FOXP2: variants seen among roughly 807,000 people sequenced by gnomAD.
FOXP2 encodes forkhead box protein P2.
In FOXP2, 12 loss-of-function variants were observed where a neutral mutation model predicts 115.8. The observed-to-expected ratio is 0.10, with a 90% CI of 0.07 to 0.17. The LOEUF (loss-of-function observed/expected upper bound fraction) is 0.17. Ranked by LOEUF, FOXP2 falls within the 10% of genes least tolerant of loss-of-function variation. The probability of loss-of-function intolerance (pLI) is 1.00; values close to 1 mark genes in which losing one functional copy is unlikely to be tolerated. For synonymous variants in FOXP2, 328 were observed against 297.7 expected (o/e 1.10, Z -1.05); for missense variants, 629 against 843.5 (o/e 0.75, Z 3.15).
At chr7:114,159,298 G>T (rs770927439), upstream of FOXP2, among the ~76,000 whole-genome samples, 69 of 151,998 alleles carry the variant, frequency 4.5e-4, no homozygotes, top group Non-Finnish European at 8.8e-4. Context: ...AGCAAACTAA[G>T]AATTAAGAAG....
intron 2 of FOXP2, among the ~76,000 whole-genome samples, chr7:114,523,673 C>T (rs1798729711): frequency 6.6e-6 from 1 of 152,126 alleles, no homozygotes; most frequent in Non-Finnish European, 1.5e-5. Flanking sequence ...GCTTTTCTTC[C>T]TCTGCTTTTC....
chr7:114,133,123 A>C (rs1371444881), intron 1 of FOXP2, among the ~76,000 whole-genome samples: 1 of 152,218 alleles, frequency 6.6e-6, no homozygotes, highest in East Asian at 1.9e-4. Flanking sequence ...TTGTGTGTAC[A>C]TTTTGAAGCT....
chr7:114,102,345 A>G (rs1374725675), intron 1 of FOXP2, among the ~76,000 whole-genome samples: 1 of 152,030 alleles, frequency 6.6e-6, no homozygotes, highest in Non-Finnish European at 1.5e-5. Flanking sequence ...GCCATCATAT[A>G]TGACAGGAGT....
At chr7:114,380,266 C>T (rs968843200) in intron 2 of FOXP2, among the ~76,000 whole-genome samples, 53 of 152,148 alleles carry the variant, frequency 3.5e-4, no homozygotes, top group African/African-American at 1.1e-3. Context: ...CACATTGCTG[C>T]GTGGGCATGG....
chr7:114,491,120 C>T (rs927271103), intron 2 of FOXP2, among the ~76,000 whole-genome samples: 5 of 152,182 alleles, frequency 3.3e-5, no homozygotes, highest in African/African-American at 1.2e-4. Context: ...ACAGACCCAC[C>T]AACAGTGTAA....
At chr7:114,562,686 C>T (rs112015392) in intron 3 of FOXP2, among the ~76,000 whole-genome samples, 386 of 152,232 alleles carry the variant, frequency 2.5e-3, no homozygotes, top group Middle Eastern at 6.8e-3. Context: ...TGTGCCTTCC[C>T]TTCCCACCTT....
Position 114,432,649 on chromosome 7 carries a change from C to T in FOXP2, c.168+5970C>T, listed in dbSNP as rs560665666. ...AATGGGAAAATGTGGCATCTATTTA[C>T]ATTTATCAAGTTTAACTATTAGGTC... On this transcript the variant is annotated intron_variant, in intron 2 of 16. Transcript: ENST00000350908. Among the ~76,000 whole-genome samples, 13 of 151,954 alleles carry T rather than the reference C, an allele frequency of 8.6e-5. No homozygotes were observed. The South Asian group carries it at 2.7e-3, about 32-fold the overall frequency.
Position 114,590,455 on chromosome 7 carries a change from A to G in FOXP2, c.259-38085A>G, listed in dbSNP as rs571431117. ...GAACCAGAAAGCCCCTCACAGGGTT[A>G]TAGTGATACAAGCTTTTCTCTTGTT... On this transcript the variant is annotated intron_variant, in intron 3 of 16. Coordinates refer to ENST00000350908, the MANE Select transcript of FOXP2 (RefSeq NM_014491.4). Among the ~76,000 whole-genome samples, 6 of 152,278 alleles carry G rather than the reference A, an allele frequency of 3.9e-5. No individual in the cohort carries two copies. In the South Asian group the frequency reaches 1.2e-3, roughly 32 times the overall value.
Position 114,108,433 on chromosome 7 carries a change from A to AT in FOXP2, c.-247+20601dup, listed in dbSNP as rs544064624. 2.1e-3 allele frequency among the ~76,000 whole-genome samples: 315 copies of AT among 151,938 alleles called. 3 individuals carry two copies. Among genetic ancestry groups the AT allele is most frequent in the African/African-American group, 7.2e-3 (299 of 41,530 alleles). ...TAGGATTTTCTGCTTTTGTTAATACATTTTTTGGTAAGATATAATGATTTC... is the reference window on the plus strand; with the variant it reads ...TAGGATTTTCTGCTTTTGTTAATACATTTTTTTGGTAAGATATAATGATTTC... On this transcript the variant is annotated intron_variant, in intron 1 of 19. Transcript: ENST00000635638.
rs571018228 is a variant in FOXP2, at chr7:114,328,551, C to T, written c.-11+40442C>T. On this transcript the variant is annotated intron_variant, in intron 2 of 17. Coordinates refer to the FOXP2 transcript ENST00000634411. ...GCGCCCAGCCTCAGCCCTTTCTTTTCGTAATATTCTGACTTAGATGGACAT... is the reference window on the plus strand; with the variant it reads ...GCGCCCAGCCTCAGCCCTTTCTTTTTGTAATATTCTGACTTAGATGGACAT... Among the ~76,000 whole-genome samples, 21 of 152,090 alleles carry T rather than the reference C, an allele frequency of 1.4e-4. No individual in the cohort carries two copies. The East Asian group carries it at 3.1e-3, about 22-fold the overall frequency.
chr7:114,303,579 T>G (rs1470886372), intron 2 of FOXP2, among the ~76,000 whole-genome samples: 2 of 152,200 alleles, frequency 1.3e-5, no homozygotes, highest in African/African-American at 4.8e-5. Flanking sequence ...CTTTGTTTCC[T>G]AGTTAATCTC....
chr7:114,127,013 G>A (rs1474970406), intron 1 of FOXP2, among the ~76,000 whole-genome samples: 1 of 152,144 alleles, frequency 6.6e-6, no homozygotes, highest in African/African-American at 2.4e-5. Flanking sequence ...GTTACAAGCT[G>A]CAATCAAGGT....
chr7:114,581,139 A>G (rs943715725), intron 3 of FOXP2, among the ~76,000 whole-genome samples: 2 of 148,282 alleles, frequency 1.3e-5, no homozygotes, highest in African/African-American at 5.0e-5. Context: ...TGTTGCTTCT[A>G]TCTTCTTCCG....
At chr7:114,647,231 T>C (rs1805963001) in intron 8 of FOXP2, among the ~76,000 whole-genome samples, 1 of 151,728 alleles carries the variant, frequency 6.6e-6, no homozygotes, top group Admixed American at 6.6e-5. Context: ...TAATAGAAAA[T>C]ATATTGAGTC....
At chr7:114,603,898 G>A (rs1204509912) in intron 3 of FOXP2, among the ~76,000 whole-genome samples, 1 of 152,114 alleles carries the variant, frequency 6.6e-6, no homozygotes, top group Non-Finnish European at 1.5e-5. Flanking sequence ...GTATTTTAAG[G>A]TTCTTAATTA....
At chr7:114,230,699 C>T (rs1794853100) in intron 1 of FOXP2, among the ~76,000 whole-genome samples, 1 of 151,722 alleles carries the variant, frequency 6.6e-6, no homozygotes, top group Admixed American at 6.6e-5. Context: ...ATTCAGTGTG[C>T]AAGGAATAGA....
chr7:114,595,530 T>C (rs1802649091), intron 3 of FOXP2, among the ~76,000 whole-genome samples: 1 of 152,032 alleles, frequency 6.6e-6, no homozygotes, highest in Non-Finnish European at 1.5e-5. Flanking sequence ...AAAGCAGAGG[T>C]TAATAGATAC....
intron 2 of FOXP2, among the ~76,000 whole-genome samples, chr7:114,376,230 C>T (rs1281177657): frequency 6.6e-6 from 1 of 152,186 alleles, no homozygotes; most frequent in Non-Finnish European, 1.5e-5. Context: ...AAAATAAACT[C>T]TTAATTCTGG....
Position 114,531,895 on chromosome 7 carries a change from A to G in FOXP2, c.169-2722A>G, listed in dbSNP as rs147732467. Reference sequence around the variant, plus strand: ...ATATTTAATTTTCTAGTGTTTGTCTACAGACATTACGTAGCATTGACATAT... The same window carrying G: ...ATATTTAATTTTCTAGTGTTTGTCTGCAGACATTACGTAGCATTGACATAT... On this transcript the variant is annotated intron_variant, in intron 2 of 16. Coordinates refer to ENST00000350908, the MANE Select transcript of FOXP2 (RefSeq NM_014491.4). Among the ~76,000 whole-genome samples, 605 of 152,052 alleles carry G rather than the reference A, an allele frequency of 4.0e-3. 3 individuals are homozygous for G. The highest frequency in any genetic ancestry group is 0.011 in the African/African-American group (476 of 41,526).
Sources: allele counts gnomAD v4.1 joint callset (sites outside exome capture counted in the v4.1 genomes callset), GRCh38; gene constraint gnomAD v4.1.1; transcripts MANE v1.5; gene names NCBI Gene and HGNC (gene_info 2026-07-23, HGNC 2026-07-21).